The following TIMP3 variants were observed in gnomAD, a reference collection of about 807,000 sequenced individuals.
TIMP3 encodes metalloproteinase inhibitor 3.
A neutral mutation model predicts 30.0 loss-of-function variants in TIMP3; 11 were observed. That is an observed-to-expected ratio of 0.37 (90% confidence interval 0.23 to 0.61). The LOEUF is 0.61. TIMP3 is among the 20% of genes least tolerant of loss of function. The pLI is 0.70. For missense variants in TIMP3, 181 were observed against 276.8 expected (o/e 0.65, Z 2.45); for synonymous variants, 112 against 111.3 (o/e 1.01, Z -0.04).
At chr22:32,803,151 A>T (rs995082099) in intron 1 of TIMP3, among the ~76,000 whole-genome samples, 4 of 151,324 alleles carry the variant, frequency 2.6e-5, no homozygotes, top group South Asian at 2.1e-4. Context: ...CTGCTGGGAG[A>T]GTGTGTGTGT....
At chr22:32,840,371 G>A (rs1036195505) in intron 1 of TIMP3, among the ~76,000 whole-genome samples, 1 of 152,238 alleles carries the variant, frequency 6.6e-6, no homozygotes, top group African/African-American at 2.4e-5. Flanking sequence ...TGACATCAAC[G>A]AAAAGGGCCT....
intron 2 of TIMP3, among the ~76,000 whole-genome samples, chr22:32,850,720 A>C (rs1418384335): frequency 6.6e-6 from 1 of 152,160 alleles, no homozygotes; most frequent in Non-Finnish European, 1.5e-5. Flanking sequence ...TTGCATCCCT[A>C]GCAATTAGGG....
At chr22:32,826,506 AAACCAGAT>A (rs2047418266) in intron 1 of TIMP3, among the ~76,000 whole-genome samples, 1 of 152,218 alleles carries the variant, frequency 6.6e-6, no homozygotes, top group Non-Finnish European at 1.5e-5. Flanking sequence ...AGAAAGTAGA[AAACCAGAT>A]AACCTCGGTC....
At chr22:32,802,848 T>C (rs1357154041) in intron 1 of TIMP3, among the ~76,000 whole-genome samples, 1 of 152,068 alleles carries the variant, frequency 6.6e-6, no homozygotes, top group Non-Finnish European at 1.5e-5. Flanking sequence ...CCCTTGAATG[T>C]GTGTGGGGAG....
chr22:32,834,557 C>T (rs2047674691), intron 1 of TIMP3, among the ~76,000 whole-genome samples: 1 of 152,178 alleles, frequency 6.6e-6, no homozygotes, highest in African/African-American at 2.4e-5. Context: ...TGCCAGCTTT[C>T]AGATGTGCAG....
At position 32,838,183 on chromosome 22, in the gene TIMP3, A is replaced by G. The variant is rs529711017; in HGVS notation, c.122-11269A>G. ...AGACATGGCACAGGATCTGAGATGC[A>G]TAGTTCCTCAAATACTTCTGAATAA... is the stretch of plus-strand genomic sequence containing the variant. On this transcript the variant is annotated intron_variant, in intron 1 of 4. Transcript: ENST00000266085. Among the ~76,000 whole-genome samples the G allele has an allele frequency of 1.2e-4, 18 of 152,350 alleles. No individual in the cohort carries two copies. In the South Asian group the frequency reaches 3.7e-3, roughly 32 times the overall value.
chr22:32,812,370 A>G (rs1044445537), intron 1 of TIMP3, among the ~76,000 whole-genome samples: 11 of 152,222 alleles, frequency 7.2e-5, no homozygotes, highest in African/African-American at 2.7e-4. Flanking sequence ...GAGATACTTT[A>G]TCAGATGACA....
At chr22:32,814,356 A>C (rs1376280361) in intron 1 of TIMP3, among the ~76,000 whole-genome samples, 2 of 151,226 alleles carry the variant, frequency 1.3e-5, no homozygotes, top group South Asian at 4.2e-4. Flanking sequence ...AAAGAGAGAA[A>C]GAAAGAAAGA....
chr22:32,848,704 A>G (rs1452477418), intron 1 of TIMP3, among the ~76,000 whole-genome samples: 1 of 152,236 alleles, frequency 6.6e-6, no homozygotes, highest in East Asian at 1.9e-4. Flanking sequence ...AGAGATTAGT[A>G]TCATTATGAT....
At position 32,861,284 on chromosome 22, in the gene TIMP3, G is replaced by A. The variant is rs1363684563; in HGVS notation, c.*1907G>A. ...AGAGTGGGAAGAGAGTACCGGCATC[G>A]GGTTTCCTTGGGATCAATTTCATTA... On this transcript the variant is annotated 3_prime_UTR_variant, in exon 5 of 5. Coordinates refer to ENST00000266085, the MANE Select transcript of TIMP3 (RefSeq NM_000362.5). The A allele has an allele frequency of 6.6e-6, 1 of 152,300 alleles. No homozygotes were observed. Among genetic ancestry groups the A allele is most frequent in the Non-Finnish European group, 1.5e-5 (1 of 68,038 alleles). The allele number at this position is 152,300 out of a possible 1,614,324, so 9.4% of individuals were successfully genotyped here. A position where few individuals can be genotyped will look rare whatever the true frequency, so the allele number is the denominator to read the frequency against.
chr22:32,818,732 C>G (rs985289310), intron 1 of TIMP3, among the ~76,000 whole-genome samples: 1 of 152,062 alleles, frequency 6.6e-6, no homozygotes. Context: ...TCACTGTGGC[C>G]GGCCTAGGGG....
intron 3 of TIMP3, 57 bp downstream of exon 3, chr22:32,857,417 A>G (rs1007815700): frequency 1.5e-6 from 2 of 1,306,272 alleles, no homozygotes; most frequent in Non-Finnish European, 1.1e-6. Context: ...CTGTTTCTTG[A>G]CTTCAGAAGA....
intron 2 of TIMP3, among the ~76,000 whole-genome samples, chr22:32,854,348 C>T (rs930777379): frequency 2.6e-5 from 4 of 152,076 alleles, no homozygotes; most frequent in African/African-American, 9.7e-5. Flanking sequence ...AAGCTGATTT[C>T]GATGAGTTGA....
At chr22:32,819,256 C>T (rs762297016) in intron 1 of TIMP3, among the ~76,000 whole-genome samples, 1 of 152,246 alleles carries the variant, frequency 6.6e-6, no homozygotes, top group Non-Finnish European at 1.5e-5. Flanking sequence ...TCTCTGCTCA[C>T]TGCAGATCCC....
intron 1 of TIMP3, among the ~76,000 whole-genome samples, chr22:32,807,340 A>T (rs5749514): frequency 9.8e-4 from 5 of 5,098 alleles, no homozygotes; most frequent in African/African-American, 1.9e-3. Flanking sequence ...ATTTATATAT[A>T]ATATATAAAT....
chr22:32,839,238 T>C (rs1001288875), intron 1 of TIMP3, among the ~76,000 whole-genome samples: 2 of 152,106 alleles, frequency 1.3e-5, no homozygotes, highest in Non-Finnish European at 2.9e-5. Context: ...ATCCTGTAGA[T>C]ACTGCAAACC....
intron 2 of TIMP3, among the ~76,000 whole-genome samples, chr22:32,856,667 C>T (rs1332277028): frequency 6.6e-6 from 1 of 152,158 alleles, no homozygotes. Flanking sequence ...ATGCTGGGAA[C>T]ATCTGAATTA....
At chr22:32,857,984 A>G (rs756483562) in intron 3 of TIMP3, 33 bp from the exon 4 acceptor site, 2 of 1,613,994 alleles carry the variant, frequency 1.2e-6, no homozygotes, top group East Asian at 2.2e-5. Flanking sequence ...TGGACAAAAC[A>G]ACCTCTCCTT....
Position 32,859,710 on chromosome 22 carries a change from A to C in TIMP3, c.*333A>C. The C allele has an allele frequency of 3.2e-6, 1 of 309,772 alleles. No individual in the cohort carries two copies. The highest frequency in any genetic ancestry group is 6.0e-6 in the Non-Finnish European group (1 of 165,954). 19.2% of individuals were successfully genotyped at this position (309,772 alleles called of 1,614,324 possible). On this transcript the variant is annotated 3_prime_UTR_variant, in exon 5 of 5. Coordinates refer to ENST00000266085, the MANE Select transcript of TIMP3 (RefSeq NM_000362.5). ...GAAAACAAAAATGAAAAACTACTCCATTTGAGGATTGTAATTCCCACCCCT... is the reference window on the plus strand; with the variant it reads ...GAAAACAAAAATGAAAAACTACTCCCTTTGAGGATTGTAATTCCCACCCCT...
Sources: gnomAD v4.1 joint callset for allele counts (sites outside exome capture counted in the v4.1 genomes callset) on GRCh38, gnomAD v4.1.1 for gene constraint, MANE v1.5 for transcripts, NCBI Gene and HGNC (gene_info 2026-07-23, HGNC 2026-07-21) for gene names.